HIBADH: variants seen among roughly 807,000 people sequenced by gnomAD.
HIBADH encodes 3-hydroxyisobutyrate dehydrogenase.
HIBADH carries 25 observed loss-of-function variants against 36.1 expected under a neutral mutation model. The observed-to-expected ratio is 0.69, with a 90% CI of 0.50 to 0.97. The LOEUF (loss-of-function observed/expected upper bound fraction) is 0.97, where lower values mean the gene tolerates loss of function less well. Ranked by LOEUF, HIBADH falls within the 50% of genes least tolerant of loss-of-function variation. HIBADH has a pLI of 0.00. For synonymous variants in HIBADH, 160 were observed against 149.5 expected (o/e 1.07, Z -0.51); for missense variants, 421 against 418.0 (o/e 1.01, Z -0.06).
intron 4 of HIBADH, among the ~76,000 whole-genome samples, chr7:27,604,862 A>G (rs1785191948): frequency 6.6e-6 from 1 of 152,094 alleles, no homozygotes; most frequent in South Asian, 2.1e-4. Flanking sequence ...GAGGTCAAAC[A>G]TTTACTTTGA....
intron 4 of HIBADH, among the ~76,000 whole-genome samples, chr7:27,583,051 A>G (rs1416312454): frequency 6.6e-6 from 1 of 152,108 alleles, no homozygotes; most frequent in East Asian, 1.9e-4. Flanking sequence ...ATCTTTACCA[A>G]TAAGCATCTG....
chr7:27,634,920 C>A (rs556687282), intron 2 of HIBADH, among the ~76,000 whole-genome samples: 1 of 152,176 alleles, frequency 6.6e-6, no homozygotes, highest in Non-Finnish European at 1.5e-5. Flanking sequence ...GGTTGCATTG[C>A]CAGAATACTG....
chr7:27,558,980 T>A (rs1307912481), intron 4 of HIBADH, among the ~76,000 whole-genome samples: 1 of 152,168 alleles, frequency 6.6e-6, no homozygotes, highest in Non-Finnish European at 1.5e-5. Flanking sequence ...AAATTTACTG[T>A]CTGACAGTCC....
At chr7:27,580,401 TAACAAC>T (rs996795831) in intron 4 of HIBADH, among the ~76,000 whole-genome samples, 1 of 152,064 alleles carries the variant, frequency 6.6e-6, no homozygotes, top group Admixed American at 6.6e-5. Context: ...CAGTTCCCAA[TAACAAC>T]AACAACAACA....
At chr7:27,604,668 C>T (rs1785189148) in intron 4 of HIBADH, among the ~76,000 whole-genome samples, 1 of 152,112 alleles carries the variant, frequency 6.6e-6, no homozygotes, top group Non-Finnish European at 1.5e-5. Context: ...GGTCAAATGT[C>T]ATGAGTACCT....
rs925456824 is a variant in HIBADH at position 27,642,931 on chromosome 7, G to A, written c.252+6542C>T. ...CTCCCAAAGTGCTGGGATTACAGGCGTGAGCCACCGCGCCCGGCCAAATGT... is the reference window on the plus strand; with the variant it reads ...CTCCCAAAGTGCTGGGATTACAGGCATGAGCCACCGCGCCCGGCCAAATGT... On this transcript the variant is annotated intron_variant, in intron 2 of 7. Coordinates refer to ENST00000265395, the MANE Select transcript of HIBADH (RefSeq NM_152740.4). Among the ~76,000 whole-genome samples, 57 of 152,302 alleles carry A rather than the reference G, an allele frequency of 3.7e-4. 1 individual carries two copies. In the East Asian group the frequency reaches 5.2e-3, roughly 14 times the overall value.
chr7:27,624,716 T>G (rs927206711), intron 4 of HIBADH, among the ~76,000 whole-genome samples: 1 of 152,220 alleles, frequency 6.6e-6, no homozygotes, highest in Non-Finnish European at 1.5e-5. Context: ...AGAACCATCA[T>G]ATCAGTCCTT....
intron 4 of HIBADH, among the ~76,000 whole-genome samples, chr7:27,577,313 G>A (rs1486462046): frequency 2.7e-5 from 4 of 150,806 alleles, no homozygotes; most frequent in Middle Eastern, 3.4e-3. Flanking sequence ...ACAGGCATGC[G>A]CCACCACACC....
chr7:27,631,849 C>T (rs1785752391), intron 3 of HIBADH, among the ~76,000 whole-genome samples: 1 of 152,202 alleles, frequency 6.6e-6, no homozygotes, highest in African/African-American at 2.4e-5. Flanking sequence ...GGTTAAAGAG[C>T]TACTGCTAAC....
intron 6 of HIBADH, among the ~76,000 whole-genome samples, chr7:27,536,505 G>A (rs1468875078): frequency 2.0e-5 from 3 of 151,900 alleles, no homozygotes; most frequent in African/African-American, 7.3e-5. Context: ...CAAAAATAAG[G>A]GAAACTCTAT....
intron 4 of HIBADH, among the ~76,000 whole-genome samples, chr7:27,618,407 T>TGG (rs1198271376): frequency 6.6e-6 from 1 of 152,154 alleles, no homozygotes; most frequent in African/African-American, 2.4e-5. Context: ...GACCCTGTAT[T>TGG]GCAGCCACAA....
At chr7:27,639,557 T>C (rs1169201247) in intron 2 of HIBADH, among the ~76,000 whole-genome samples, 1 of 152,118 alleles carries the variant, frequency 6.6e-6, no homozygotes, top group African/African-American at 2.4e-5. Context: ...TTTACCTATA[T>C]AACAAACCTG....
chr7:27,540,018 G>A (rs1784125635), intron 5 of HIBADH, among the ~76,000 whole-genome samples: 1 of 152,054 alleles, frequency 6.6e-6, no homozygotes, highest in Admixed American at 6.6e-5. Context: ...GGGTGACAGA[G>A]GCAGAAGAGG....
chr7:27,635,998 T>TAATA (rs1173522718), intron 2 of HIBADH, among the ~76,000 whole-genome samples: 1 of 152,204 alleles, frequency 6.6e-6, no homozygotes, highest in African/African-American at 2.4e-5. Context: ...GGTGGGTGTG[T>TAATA]AATATAAAGA....
intron 4 of HIBADH, among the ~76,000 whole-genome samples, chr7:27,559,686 T>C (rs1784438408): frequency 6.6e-6 from 1 of 152,120 alleles, no homozygotes; most frequent in Non-Finnish European, 1.5e-5. Context: ...TCACAAAAAC[T>C]ATATATGCCC....
intron 1 of HIBADH, among the ~76,000 whole-genome samples, chr7:27,661,425 T>A (rs887720618): frequency 6.6e-6 from 1 of 151,790 alleles, no homozygotes; most frequent in Admixed American, 6.6e-5. Flanking sequence ...CCGTCCCTAC[T>A]AAAAATACAA....
intron 4 of HIBADH, among the ~76,000 whole-genome samples, chr7:27,586,615 T>TGAACGG (rs1554297546): frequency 2.7e-5 from 4 of 150,238 alleles, no homozygotes; most frequent in Non-Finnish European, 5.9e-5. Flanking sequence ...TGACCAGAAA[T>TGAACGG]GAAGGGGAAG....
intron 4 of HIBADH, among the ~76,000 whole-genome samples, chr7:27,596,919 T>A (rs949548137): frequency 6.6e-6 from 1 of 152,198 alleles, no homozygotes; most frequent in African/African-American, 2.4e-5. Context: ...TGAAAAGATA[T>A]ATGAAATTTT....
At chr7:27,577,164 C>CTTTTTTTTTTTTTTTTTTTTTTTTTTTTT (rs35467427) in intron 4 of HIBADH, among the ~76,000 whole-genome samples, 1 of 143,888 alleles carries the variant, frequency 6.9e-6, no homozygotes. Flanking sequence ...CATCATTTCT[C>CTTTTTTTTTTTTTTTTTTTTTTTTTTTTT]TCTTTTTTTT....
Sources: allele counts gnomAD v4.1 joint callset (sites outside exome capture counted in the v4.1 genomes callset), GRCh38; gene constraint gnomAD v4.1.1; transcripts MANE v1.5; gene names NCBI Gene and HGNC (gene_info 2026-07-23, HGNC 2026-07-21).